VARS1: variants seen among roughly 807,000 people sequenced by gnomAD.
The protein encoded by VARS1 is valine--tRNA ligase.
VARS1 carries 92 observed loss-of-function variants against 161.0 expected under a neutral mutation model. The observed-to-expected ratio is 0.57, with a 90% CI of 0.48 to 0.68. The LOEUF is 0.68. Ranked by LOEUF, VARS1 falls within the 30% of genes least tolerant of loss-of-function variation. VARS1 has a pLI of 0.00. For synonymous variants in VARS1, 595 were observed against 682.5 expected, an observed-to-expected ratio of 0.87 and a Z score of 2.00; for missense variants, 1,338 against 1,695.9, an observed-to-expected ratio of 0.79 and a Z score of 3.71.
Position 31,782,559 on chromosome 6 carries a change from C to T in VARS1, c.1962G>A (p.Glu654=). 1 of 1,613,086 alleles carries T rather than the reference C, an allele frequency of 6.2e-7. No homozygotes were observed. The highest frequency in any genetic ancestry group is 8.5e-7 in the Non-Finnish European group (1 of 1,180,048). Residue 654 remains glutamate, a synonymous_variant, in exon 16 of 30, where the codon GAG becomes GAA. Transcript: ENST00000375663. This position sits in a 1 kb window ranked among gnomAD's most constrained non-coding sequence, Gnocchi z 8.3. ...LKERGLFRGI[E]DNPMVVPLCN... is the part of the protein sequence containing the mutation. ...AAAGTGGCACCACCATGGGGTTGTC[C>T]TCAATGCCACGGAACAGTCCCCGCT...
Position 31,782,765 on chromosome 6 carries a change from T to C in VARS1, c.1843A>G (p.Met615Val), listed in dbSNP as rs139579796. The C allele has an allele frequency of 5.5e-4, 881 of 1,613,048 alleles. 3 individuals carry two copies. Among genetic ancestry groups the C allele is most frequent in the Non-Finnish European group, 5.6e-4 (658 of 1,180,008 alleles). Residue 615 changes from methionine to valine, a missense_variant, in exon 15 of 30, where the codon ATG (methionine) becomes GTG (valine). Transcript: ENST00000375663. The surrounding 1 kb of genome is among the most constrained non-coding windows in gnomAD (Gnocchi z 8.3). ...TTGATGAGGGCCCCCCGGGAGTCCA[T>C]GATGCTGATGGCCTCCAGCCCGTGC... ...QRHGLEAISIMDSRGALINVP... is the reference protein window; with the variant it reads ...QRHGLEAISIVDSRGALINVP...
chr6:31,779,350 C>T lies in VARS1; in HGVS notation c.3401-58G>A. The T allele has an allele frequency of 1.9e-6, 3 of 1,601,436 alleles. No individual in the cohort carries two copies. Among genetic ancestry groups the T allele is most frequent in the Non-Finnish European group, 2.5e-6 (3 of 1,178,518 alleles). On this transcript the variant is annotated intron_variant, in intron 28 of 29. Transcript: ENST00000375663. This position sits in a 1 kb window ranked among gnomAD's most constrained non-coding sequence, Gnocchi z 9.1. ...CCATGGAGACAGGAAACCAAGCAGTCACTGCCGGACACTGGGTCCCAGAGT... is the reference window on the plus strand; with the variant it reads ...CCATGGAGACAGGAAACCAAGCAGTTACTGCCGGACACTGGGTCCCAGAGT...
chr6:31,792,517 C>G lies in VARS1; in HGVS notation c.662-1G>C. ...TTTGGGAGGGCAGGAGCCTCGGGGC[C>G]TAGAGAGAGGTGCAGAAATTCAGAC... On this transcript the variant is annotated splice_acceptor_variant, in intron 4 of 29. Transcript: ENST00000375663. LOFTEE classifies it high-confidence loss of function. 1 of 1,613,888 alleles carries G rather than the reference C, an allele frequency of 6.2e-7. No homozygotes were observed. Among genetic ancestry groups the G allele is most frequent in the Non-Finnish European group, 8.5e-7 (1 of 1,179,984 alleles).
At position 31,792,150 on chromosome 6, in the gene VARS1, T is replaced by C. The variant is rs1388216866; in HGVS notation, c.871+67A>G. 3 of 1,581,830 alleles carry C rather than the reference T, an allele frequency of 1.9e-6. No homozygotes were observed. The African/African-American group carries it at 4.1e-5, about 21-fold the overall frequency. ...CCAAACAAAGTGGTGAGAGCAAGAA[T>C]AGAGCAAGATAGGGTGAAAACTTAG... On this transcript the variant is annotated intron_variant, in intron 6 of 29. Coordinates refer to ENST00000375663, the MANE Select transcript of VARS1 (RefSeq NM_006295.3).
In VARS1 at chr6:31,785,586, G is replaced by C; in HGVS notation, c.1248C>G (p.Val416=). 1 of 1,610,840 alleles carries C rather than the reference G, an allele frequency of 6.2e-7. No individual in the cohort carries two copies. The highest frequency in any genetic ancestry group is 8.5e-7 in the Non-Finnish European group (1 of 1,179,040). ...QLGREAFLQE[V]WKWKEEKGDR... ...ATACTCACTCCTCCTTCCACTTCCA[G>C]ACTTCCTGTAGAAAGGCCTCGCGGC... The change falls in exon 9 of 30, where the codon GTC becomes GTG. Residue 416 remains valine, a synonymous_variant. Transcript: ENST00000375663. The surrounding 1 kb of genome is among the most constrained non-coding windows in gnomAD (Gnocchi z 6.1).
chr6:31,780,364 A>G lies in VARS1; in HGVS notation c.2925+77T>C, dbSNP rs563630948. 2.8e-4 allele frequency: 436 copies of G among 1,563,900 alleles called. 4 individuals carry two copies. The East Asian group carries it at 8.7e-3, about 31-fold the overall frequency. ...TGTCTCTGTGTCTATCTGTCCCCCC[A>G]GCTACATGGAGGCTGCTCCGGACAG... On this transcript the variant is annotated intron_variant, in intron 25 of 29. Coordinates refer to ENST00000375663, the MANE Select transcript of VARS1 (RefSeq NM_006295.3). This position sits in a 1 kb window ranked among gnomAD's most constrained non-coding sequence, Gnocchi z 5.1.
Position 31,782,223 on chromosome 6 carries a change from T to TGGCCCGAGTGAGCCCTGCTC in VARS1, c.2150+42_2151-47dup, listed in dbSNP as rs1211964825. 1 of 1,611,408 alleles carries TGGCCCGAGTGAGCCCTGCTC rather than the reference T, an allele frequency of 6.2e-7. No individual in the cohort carries two copies. Among genetic ancestry groups the TGGCCCGAGTGAGCCCTGCTC allele is most frequent in the Non-Finnish European group, 8.5e-7 (1 of 1,178,628 alleles). Reference sequence around the variant, plus strand: ...AAATCAGGGAGGGCCTGATGGAGCCTGGCCCGAGTGAGCCCTGCTCAGCCC... The same window carrying TGGCCCGAGTGAGCCCTGCTC: ...AAATCAGGGAGGGCCTGATGGAGCCTGGCCCGAGTGAGCCCTGCTCGGCCCGAGTGAGCCCTGCTCAGCCC... On this transcript the variant is annotated intron_variant, in intron 17 of 29. Transcript: ENST00000375663. The surrounding 1 kb of genome is among the most constrained non-coding windows in gnomAD (Gnocchi z 8.3).
rs1286936243 is a variant in VARS1 at position 31,781,968 on chromosome 6, T to C, written c.2242-16A>G. ...CATCAGGGTCCTGCCACAGGTGCAG[T>C]GATTACCCAAGGGGGTGTGTCTGCT... On this transcript the variant is annotated splice_polypyrimidine_tract_variant and intron_variant, in intron 18 of 29. Coordinates refer to ENST00000375663, the MANE Select transcript of VARS1 (RefSeq NM_006295.3). This position sits in a 1 kb window ranked among gnomAD's most constrained non-coding sequence, Gnocchi z 6.8. The C allele has an allele frequency of 6.2e-7, 1 of 1,613,044 alleles. No homozygotes were observed. The highest frequency in any genetic ancestry group is 1.7e-5 in the Admixed American group (1 of 60,026).
At position 31,791,100 on chromosome 6, in the gene VARS1, G is replaced by A. The variant is rs958496002; in HGVS notation, c.1100+510C>T. ...CAGGAGGCAGCGGTTGCCATGAGCC[G>A]AGATGGCGTCACTGCACTCCGGCCT... On this transcript the variant is annotated intron_variant, in intron 8 of 29. Coordinates refer to ENST00000375663, the MANE Select transcript of VARS1 (RefSeq NM_006295.3). This position sits in a 1 kb window ranked among gnomAD's most constrained non-coding sequence, Gnocchi z 5.0. 6.6e-6 allele frequency among the ~76,000 whole-genome samples: 1 copy of A among 152,078 alleles called. No homozygotes were observed. The highest frequency in any genetic ancestry group is 2.4e-5 in the African/African-American group (1 of 41,404).
chr6:31,780,225 G>T lies in VARS1; in HGVS notation c.2926-72C>A. The T allele has an allele frequency of 6.3e-7, 1 of 1,589,388 alleles. No individual in the cohort carries two copies. Among genetic ancestry groups the T allele is most frequent in the East Asian group, 2.2e-5 (1 of 44,576 alleles). ...AGAACCCCATGGGGGCAGGAGTCAT[G>T]GGCAAATCTTCATCCAGAGTCTGAT... is the stretch of plus-strand genomic sequence containing the variant. On this transcript the variant is annotated intron_variant, in intron 25 of 29. Transcript: ENST00000375663. The surrounding 1 kb of genome is among the most constrained non-coding windows in gnomAD (Gnocchi z 5.1).
rs748191897 is a variant in VARS1 at position 31,780,734 on chromosome 6, C to T, written c.2768G>A (p.Arg923Gln). The change falls in exon 24 of 30, where the codon CGG becomes CAG. Residue 923 changes from arginine to glutamine, a missense_variant. Transcript: ENST00000375663. The surrounding 1 kb of genome is among the most constrained non-coding windows in gnomAD (Gnocchi z 5.1). ...GIPECGTDAL[R>Q]FGLCAYMSQG... ...GGACATGTAGGCACATAATCCAAAC[C>T]GGAGAGCATCGGTGCCACATTCAGG... is the stretch of plus-strand genomic sequence containing the variant. 1.6e-5 allele frequency: 26 copies of T among 1,614,068 alleles called. No homozygotes were observed. Among genetic ancestry groups the T allele is most frequent in the Middle Eastern group, 1.6e-4 (1 of 6,084 alleles).
Position 31,780,500 on chromosome 6 carries a change from C to T in VARS1, c.2866G>A (p.Ala956Thr), listed in dbSNP as rs749328660. The T allele has an allele frequency of 6.2e-7, 1 of 1,614,088 alleles. No homozygotes were observed. ...YRHFCNKLWN[A>T]TKFALRGLGK... ...AGGCCACGAAGGGCAAACTTGGTGG[C>T]ATTCCAGAGCTTGTTGCAGAAGTGG... The change falls in exon 25 of 30, where the codon GCC becomes ACC. Residue 956 changes from alanine to threonine, a missense_variant. Around this residue, in one of 3 missense-constraint regions of VARS1, gnomAD observed 433 missense variants for 586.2 expected, o/e 0.74. Transcript: ENST00000375663. The surrounding 1 kb of genome is among the most constrained non-coding windows in gnomAD (Gnocchi z 5.1).
Position 31,785,130 on chromosome 6 carries a change from G to T in VARS1, c.1347+116C>A. ...CATTTGCAGCTGAGCCCTCCATGGT[G>T]TTTTACATGGGCCAGCTCCTGAGAG... is the stretch of plus-strand genomic sequence containing the variant. On this transcript the variant is annotated intron_variant, in intron 10 of 29. Transcript: ENST00000375663. The surrounding 1 kb of genome is among the most constrained non-coding windows in gnomAD (Gnocchi z 6.1). 1 of 1,270,700 alleles carries T rather than the reference G, an allele frequency of 7.9e-7. No individual in the cohort carries two copies. Among genetic ancestry groups the T allele is most frequent in the Non-Finnish European group, 1.1e-6 (1 of 892,996 alleles). 78.7% of individuals were successfully genotyped at this position (1,270,700 alleles called of 1,614,324 possible).
At position 31,792,746 on chromosome 6, in the gene VARS1, C is replaced by T. The variant is rs1047228998; in HGVS notation, c.661+11G>A. 6 of 1,613,902 alleles carry T rather than the reference C, an allele frequency of 3.7e-6. No individual in the cohort carries two copies. Among genetic ancestry groups the T allele is most frequent in the Non-Finnish European group, 2.5e-6 (3 of 1,179,922 alleles). On this transcript the variant is annotated intron_variant, in intron 4 of 29. Coordinates refer to ENST00000375663, the MANE Select transcript of VARS1 (RefSeq NM_006295.3). The stretch of plus-strand genomic sequence containing the variant: ...GAAGCCCCTATCCTCCAACTCCTCG[C>T]CCTTCCTCACCTGGCTGATGAGAGA...
In VARS1 at chr6:31,782,094, G is replaced by A. The variant is rs764521031; in HGVS notation, c.2234C>T (p.Pro745Leu). 3.1e-6 allele frequency: 5 copies of A among 1,613,416 alleles called. No individual in the cohort carries two copies. Among genetic ancestry groups the A allele is most frequent in the African/African-American group, 2.7e-5 (2 of 74,940 alleles). Reference protein sequence around the residue: ...FVTVSDPAVPPGEDPDGRYWV... With the variant: ...FVTVSDPAVPLGEDPDGRYWV... ...CTCTGGCCCTCTGCTCACCTCCCCA[G>A]GGGGCACCGCTGGGTCACTGACAGT... is the stretch of plus-strand genomic sequence containing the variant. The change falls in exon 18 of 30, where the codon CCT (proline) becomes CTT (leucine). Residue 745 changes from proline to leucine, a missense_variant. Coordinates refer to ENST00000375663, the MANE Select transcript of VARS1 (RefSeq NM_006295.3). This position sits in a 1 kb window ranked among gnomAD's most constrained non-coding sequence, Gnocchi z 8.3.
At position 31,792,900 on chromosome 6, in the gene VARS1, AAC is replaced by A. The variant is rs1813984075; in HGVS notation, c.523-7_523-6del. The A allele has an allele frequency of 6.2e-7, 1 of 1,614,028 alleles. No individual in the cohort carries two copies. The highest frequency in any genetic ancestry group is 8.5e-7 in the Non-Finnish European group (1 of 1,180,040). On this transcript the variant is annotated splice_region_variant and splice_polypyrimidine_tract_variant and intron_variant, in intron 3 of 29. Coordinates refer to ENST00000375663, the MANE Select transcript of VARS1 (RefSeq NM_006295.3). ...GCGGGCAGGTGGGTCTAGGACCTGG[AAC>A]AGGAAATAAATGACTCTTCTCAGTC...
In VARS1 at chr6:31,784,129, G is replaced by C; in HGVS notation, c.1671+85C>G. The C allele has an allele frequency of 6.7e-7, 1 of 1,489,986 alleles. No homozygotes were observed. The highest frequency in any genetic ancestry group is 9.2e-7 in the Non-Finnish European group (1 of 1,082,646). The allele number at this position is 1,489,986 out of a possible 1,614,324, so 92.3% of individuals were successfully genotyped here. The stretch of plus-strand genomic sequence containing the variant: ...AACCCAGTTTCCTCTCCTCAGCCAG[G>C]GGCCTAAGTCCAACCCCTCCACCCC... On this transcript the variant is annotated intron_variant, in intron 13 of 29. Coordinates refer to ENST00000375663, the MANE Select transcript of VARS1 (RefSeq NM_006295.3). This position sits in a 1 kb window ranked among gnomAD's most constrained non-coding sequence, Gnocchi z 6.1.
In VARS1 at chr6:31,780,310, C is replaced by T; in HGVS notation, c.2925+131G>A. 1.1e-5 allele frequency: 16 copies of T among 1,515,354 alleles called. No individual in the cohort carries two copies. The highest frequency in any genetic ancestry group is 1.4e-5 in the Non-Finnish European group (16 of 1,128,482). The allele number at this position is 1,515,354 out of a possible 1,614,324, so 93.9% of individuals were successfully genotyped here. A position where few individuals can be genotyped will look rare whatever the true frequency, so the allele number is the denominator to read the frequency against. On this transcript the variant is annotated intron_variant, in intron 25 of 29. Transcript: ENST00000375663. The surrounding 1 kb of genome is among the most constrained non-coding windows in gnomAD (Gnocchi z 5.1). ...GGAAGAAGTGACAGGCCCCAGCCCC[C>T]AATGCGCTGGGCTTTCCCTTTAACT...
Position 31,777,911 on chromosome 6 carries a change from C to A in VARS1, c.3727-249G>T. The A allele has an allele frequency of 5.1e-6, 3 of 588,162 alleles. No individual in the cohort carries two copies. In the South Asian group the frequency reaches 6.1e-5, roughly 12 times the overall value. 36.4% of individuals were successfully genotyped at this position (588,162 alleles called of 1,614,324 possible). A position where few individuals can be genotyped will look rare whatever the true frequency, so the allele number is the denominator to read the frequency against. ...AAGAACAAAGGAACCTCAGAGCCTA[C>A]GTGTTCCCCATTCAGTGTCCCCACC... On this transcript the variant is annotated intron_variant, in intron 29 of 29. Transcript: ENST00000375663. The surrounding 1 kb of genome is among the most constrained non-coding windows in gnomAD (Gnocchi z 5.8).
Sources: gnomAD v4.1 joint callset for allele counts (sites outside exome capture counted in the v4.1 genomes callset) on GRCh38, gnomAD v4.1.1 for gene constraint, gnomAD v4.1.1 regional missense constraint, Gnocchi (gnomAD v3.1) non-coding constraint, MANE v1.5 for transcripts, NCBI Gene and HGNC (gene_info 2026-07-23, HGNC 2026-07-21) for gene names.